EEF2: variants seen among roughly 807,000 people sequenced by gnomAD.
The protein encoded by EEF2 is eukaryotic translation elongation factor 2, also known as elongation factor 2.
Under a neutral mutation model 85.3 loss-of-function variants are expected in EEF2, and 21 were observed. That is an observed-to-expected ratio of 0.25 (90% CI 0.17 to 0.35). The LOEUF is 0.35. EEF2 is among the 10% of genes least tolerant of loss of function. The pLI is 1.00. For missense variants in EEF2, 825 were observed against 1,225.3 expected, an observed-to-expected ratio of 0.67 and a Z score of 4.88; for synonymous variants, 723 against 508.8, an observed-to-expected ratio of 1.42 and a Z score of -5.67.
Position 3,982,769 on chromosome 19 carries a change from C to T in EEF2, c.612+38G>A, listed in dbSNP as rs1031257334. ...TCCCCACCGGCTCCTGCAGATCCCG[C>T]TGCGGCAAGCCCACCACCCAGCTAG... On this transcript the variant is annotated intron_variant, in intron 4 of 14. Coordinates refer to ENST00000309311, the MANE Select transcript of EEF2 (RefSeq NM_001961.4). The T allele has an allele frequency of 1.9e-6, 3 of 1,583,032 alleles. No individual in the cohort carries two copies. In the African/African-American group the frequency reaches 4.0e-5, roughly 21 times the overall value.
At position 3,976,224 on chromosome 19, in the gene EEF2, T is replaced by C. The variant is rs1007790109; in HGVS notation, c.*330A>G. 3.2e-5 allele frequency: 11 copies of C among 342,908 alleles called. No homozygotes were observed. The highest frequency in any genetic ancestry group is 6.0e-5 in the Non-Finnish European group (11 of 184,660). The allele number at this position is 342,908 out of a possible 1,614,324, so 21.2% of individuals were successfully genotyped here. A position where few individuals can be genotyped will look rare whatever the true frequency, so the allele number is the denominator to read the frequency against. On this transcript the variant is annotated 3_prime_UTR_variant, in exon 15 of 15. Coordinates refer to ENST00000309311, the MANE Select transcript of EEF2 (RefSeq NM_001961.4). ...CCATGTACCCAAATAAACCTCTTAATGCGTTTGTTAAAATTAGTTTGGACA... is the reference window on the plus strand; with the variant it reads ...CCATGTACCCAAATAAACCTCTTAACGCGTTTGTTAAAATTAGTTTGGACA...
At chr19:3,979,153 A>C (rs1192982560) in intron 11 of EEF2, among the ~76,000 whole-genome samples, 176 bp downstream of exon 11, 3 of 152,110 alleles carry the variant, frequency 2.0e-5, no homozygotes, top group South Asian at 2.1e-4. Flanking sequence ...ACAACAACAA[A>C]AACAGCCCCA....
intron 7 of EEF2, 90 bp downstream of exon 7, chr19:3,981,249 A>C: frequency 3.1e-6 from 4 of 1,301,214 alleles, no homozygotes; most frequent in Non-Finnish European, 4.4e-6. Flanking sequence ...TGCCCAGCTG[A>C]GGACTTCAGC....
rs112332981 is a variant in EEF2, at chr19:3,980,712, G to A, written c.1151-3C>T. On this transcript the variant is annotated splice_region_variant and splice_polypyrimidine_tract_variant and intron_variant, in intron 8 of 14. Coordinates refer to ENST00000309311, the MANE Select transcript of EEF2 (RefSeq NM_001961.4). ...TTTGGGGTCACAGCTTTTAATGCCTGAGGGACAGAGAAAACCCGCAAGCTT... is the reference window on the plus strand; with the variant it reads ...TTTGGGGTCACAGCTTTTAATGCCTAAGGGACAGAGAAAACCCGCAAGCTT... 14 of 1,611,846 alleles carry A rather than the reference G, an allele frequency of 8.7e-6. No individual in the cohort carries two copies. Among genetic ancestry groups the A allele is most frequent in the Non-Finnish European group, 1.2e-5 (14 of 1,178,266 alleles).
intron 1 of EEF2, chr19:3,984,890 G>C (rs757277829): frequency 1.7e-4 from 29 of 168,708 alleles, no homozygotes; most frequent in Non-Finnish European, 3.3e-4. Context: ...TCATAGGAAG[G>C]ACAAGTGCCT....
chr19:3,978,862 C>T (rs2039709500), intron 11 of EEF2, among the ~76,000 whole-genome samples: 1 of 144,058 alleles, frequency 6.9e-6, no homozygotes, highest in Non-Finnish European at 1.5e-5. Flanking sequence ...TGGCTCACAC[C>T]TGTAATCCCA....
chr19:3,980,983 CG>C lies in EEF2; in HGVS notation c.1012-5del. 6.4e-6 allele frequency: 10 copies of C among 1,568,722 alleles called. No individual in the cohort carries two copies. The highest frequency in any genetic ancestry group is 7.8e-6 in the Non-Finnish European group (9 of 1,158,612). On this transcript the variant is annotated splice_region_variant and splice_polypyrimidine_tract_variant and intron_variant, in intron 7 of 14. Transcript: ENST00000309311. The stretch of plus-strand genomic sequence containing the variant: ...GCAGCCAGCGGCGCATCACAGCCTG[CG>C]GGGGCAGAGAGCGGTGCATGAGACA...
Position 3,979,952 on chromosome 19 carries a change from G to T in EEF2, c.1461C>A (p.Thr487=). ...CCCGCATGTTGTGCGCGTGCTCGAA[G>T]GTGGTGATGGTGCCCGTCTTCACCA... is the stretch of plus-strand genomic sequence containing the variant. ...QFLVKTGTIT[T]FEHAHNMRVM... Residue 487 remains threonine, a synonymous_variant, in exon 10 of 15, where the codon ACC becomes ACA. Coordinates refer to ENST00000309311, the MANE Select transcript of EEF2 (RefSeq NM_001961.4). 2 of 1,613,968 alleles carry T rather than the reference G, an allele frequency of 1.2e-6. No homozygotes were observed. Among genetic ancestry groups the T allele is most frequent in the Non-Finnish European group, 1.7e-6 (2 of 1,180,054 alleles).
At position 3,978,015 on chromosome 19, in the gene EEF2, G is replaced by T; in HGVS notation, c.1871C>A (p.Ala624Asp). 4 of 1,610,846 alleles carry T rather than the reference G, an allele frequency of 2.5e-6. No homozygotes were observed. Among genetic ancestry groups the T allele is most frequent in the Non-Finnish European group, 2.5e-6 (3 of 1,178,268 alleles). ...AEDIDKGEVS[A>D]RQELKQRARY... ...CGCCCGCTGCTTGAGCTCCTGACGG[G>T]CGGACACCTCGCCTTTATCGATGTC... Residue 624 changes from alanine to aspartate, a missense_variant, in exon 12 of 15, where the codon GCC becomes GAC. Transcript: ENST00000309311.
At chr19:3,981,506 C>A (rs549386504) in intron 6 of EEF2, 54 bp from the exon 7 acceptor site, 2 of 1,513,810 alleles carry the variant, frequency 1.3e-6, no homozygotes, top group Non-Finnish European at 1.8e-6. Flanking sequence ...CAGGAGGAAG[C>A]CTGGCACTGC....
intron 2 of EEF2, 178 bp downstream of exon 2, chr19:3,983,958 G>A (rs905724730): frequency 3.0e-5 from 20 of 674,954 alleles, no homozygotes; most frequent in Non-Finnish European, 4.7e-5. Context: ...GCAGTACCCC[G>A]AATCCCTGTG....
chr19:3,981,006 G>A (rs916946952), intron 7 of EEF2, 27 bp from the exon 8 acceptor site: 16 of 1,556,542 alleles, frequency 1.0e-5, no homozygotes, highest in Non-Finnish European at 1.4e-5. Flanking sequence ...CGGTGCATGA[G>A]ACACCTGGGG....
chr19:3,977,718 G>A lies in EEF2; in HGVS notation c.2067+101C>T, dbSNP rs751670865. On this transcript the variant is annotated intron_variant, in intron 12 of 14. Coordinates refer to ENST00000309311, the MANE Select transcript of EEF2 (RefSeq NM_001961.4). This position sits in a 1 kb window ranked among gnomAD's most constrained non-coding sequence, Gnocchi z 5.4. ...ACCAGGGGGACCTGGGGCCTTGCCC[G>A]CCTTGGCCCCATTAGGGTCTCTGTC... The A allele has an allele frequency of 5.1e-4, 760 of 1,485,014 alleles. No individual in the cohort carries two copies. The highest frequency in any genetic ancestry group is 6.2e-4 in the Admixed American group (27 of 43,596). The allele number at this position is 1,485,014 out of a possible 1,614,324, so 92.0% of individuals were successfully genotyped here. A position where few individuals can be genotyped will look rare whatever the true frequency, so the allele number is the denominator to read the frequency against.
At chr19:3,980,433 C>T in intron 9 of EEF2, 81 bp downstream of exon 9, 1 of 1,491,278 alleles carries the variant, frequency 6.7e-7, no homozygotes, top group Non-Finnish European at 9.0e-7. Context: ...ACTTCTAGCT[C>T]CCGACTGAGG....
At position 3,977,619 on chromosome 19, in the gene EEF2, G is replaced by T. The variant is rs2039693778; in HGVS notation, c.2068-9C>A. 1 of 1,505,376 alleles carries T rather than the reference G, an allele frequency of 6.6e-7. No homozygotes were observed. The allele number at this position is 1,505,376 out of a possible 1,614,324, so 93.3% of individuals were successfully genotyped here. ...TCCTCACACAGTGCGCCCTGGGGGA[G>T]GGGGAGAGCCACCGTCAAGGGCCGG... On this transcript the variant is annotated splice_polypyrimidine_tract_variant and intron_variant, in intron 12 of 14. Coordinates refer to ENST00000309311, the MANE Select transcript of EEF2 (RefSeq NM_001961.4). This position sits in a 1 kb window ranked among gnomAD's most constrained non-coding sequence, Gnocchi z 5.4.
Position 3,982,794 on chromosome 19 carries a change from G to A in EEF2, c.612+13C>T, listed in dbSNP as rs115380849. 20 of 1,604,978 alleles carry A rather than the reference G, an allele frequency of 1.2e-5. No homozygotes were observed. Among genetic ancestry groups the A allele is most frequent in the Non-Finnish European group, 1.5e-5 (18 of 1,177,108 alleles). On this transcript the variant is annotated intron_variant, in intron 4 of 14. Transcript: ENST00000309311. ...CTGCGGCAAGCCCACCACCCAGCTAGGGAGGGCCGTACCATGATGTTGCCC... is the reference window on the plus strand; with the variant it reads ...CTGCGGCAAGCCCACCACCCAGCTAAGGAGGGCCGTACCATGATGTTGCCC...
At chr19:3,982,728 C>CT (rs1489592106) in intron 4 of EEF2, 79 bp downstream of exon 4, 29 of 1,473,768 alleles carry the variant, frequency 2.0e-5, no homozygotes, top group Non-Finnish European at 2.5e-5. Context: ...TCCAGTCCCC[C>CT]TCAGCTCAAC....
chr19:3,979,337 G>A lies in EEF2; in HGVS notation c.1705C>T (p.Pro569Ser). 6.2e-7 allele frequency: 1 copy of A among 1,613,862 alleles called. No individual in the cohort carries two copies. Among genetic ancestry groups the A allele is most frequent in the Non-Finnish European group, 8.5e-7 (1 of 1,179,832 alleles). Residue 569 changes from proline to serine, a missense_variant, in exon 11 of 15, where the codon CCC becomes TCC. Pro to Ser is a moderately conservative substitution (Grantham distance 74). Transcript: ENST00000309311. Reference protein sequence around the residue: ...KDLEEDHACIPIKKSDPVVSY... With the variant: ...KDLEEDHACISIKKSDPVVSY... ...GGTCACTGGCGCCTCACCTTGATGG[G>A]GATGCAGGCGTGGTCCTCCTCCAGG... is the stretch of plus-strand genomic sequence containing the variant.
intron 1 of EEF2, among the ~76,000 whole-genome samples, chr19:3,984,592 T>C (rs1351474958): frequency 6.6e-6 from 1 of 152,212 alleles, no homozygotes; most frequent in African/African-American, 2.4e-5. Flanking sequence ...TGCTCAGGAA[T>C]AAAACTGAGT....
Sources: gnomAD v4.1 joint callset for allele counts (sites outside exome capture counted in the v4.1 genomes callset) on GRCh38, gnomAD v4.1.1 for gene constraint, Gnocchi (gnomAD v3.1) non-coding constraint, MANE v1.5 for transcripts, NCBI Gene and HGNC (gene_info 2026-07-23, HGNC 2026-07-21) for gene names.